Variants in COP1 observed in about 807,000 individuals in gnomAD.
The protein encoded by COP1 is E3 ubiquitin-protein ligase COP1.
In COP1, 24 loss-of-function variants were observed where a neutral mutation model predicts 101.3. The ratio of observed to expected loss-of-function variants is 0.24; its 90% CI spans 0.17 to 0.33. The LOEUF is 0.33. Ranked by LOEUF, COP1 falls within the 10% of genes least tolerant of loss-of-function variation. The probability of loss-of-function intolerance (pLI) is 1.00; values close to 1 mark genes in which losing one functional copy is unlikely to be tolerated. For synonymous variants in COP1, 347 were observed against 341.9 expected (o/e 1.01, Z -0.17); for missense variants, 663 against 906.2 (o/e 0.73, Z 3.45).
At chr1:176,105,353 G>A (rs193129983) in intron 9 of COP1, among the ~76,000 whole-genome samples, 3 of 152,156 alleles carry the variant, frequency 2.0e-5, no homozygotes, top group East Asian at 3.9e-4. Flanking sequence ...ATATCACAAC[G>A]AAAATTGAAG....
chr1:176,020,270 C>A (rs574087175), intron 15 of COP1, among the ~76,000 whole-genome samples: 1 of 146,438 alleles, frequency 6.8e-6, no homozygotes, highest in Admixed American at 6.9e-5. Flanking sequence ...AAGATCACGC[C>A]ATTGCCCTCC....
chr1:176,116,748 T>A (rs368161507), intron 8 of COP1, 67 bp from the exon 9 acceptor site: 154 of 1,165,510 alleles, frequency 1.3e-4, no homozygotes, highest in Non-Finnish European at 1.9e-4. Context: ...AAAAAGTAAA[T>A]CTAAAGTATA....
At chr1:175,972,478 T>C (rs957193710) in intron 18 of COP1, among the ~76,000 whole-genome samples, 2 of 150,562 alleles carry the variant, frequency 1.3e-5, no homozygotes, top group Non-Finnish European at 1.5e-5. Flanking sequence ...TTTTTTTTTT[T>C]TTTTTGAGAC....
intron 15 of COP1, among the ~76,000 whole-genome samples, chr1:175,992,128 T>C (rs1658669827): frequency 6.6e-6 from 1 of 152,236 alleles, no homozygotes; most frequent in Non-Finnish European, 1.5e-5. Context: ...ATGTGGAATA[T>C]GAGATGTTTT....
At chr1:176,033,881 A>T (rs1244889263) in intron 14 of COP1, among the ~76,000 whole-genome samples, 1 of 152,238 alleles carries the variant, frequency 6.6e-6, no homozygotes, top group East Asian at 1.9e-4. Flanking sequence ...TGTATAAAAT[A>T]AGTGATTTAA....
intron 5 of COP1, among the ~76,000 whole-genome samples, chr1:176,157,106 G>A (rs975565333): frequency 7.9e-5 from 12 of 152,056 alleles, no homozygotes; most frequent in Non-Finnish European, 1.5e-4. Flanking sequence ...GCTGAGGCAG[G>A]AGAATCTCTT....
intron 1 of COP1, among the ~76,000 whole-genome samples, chr1:176,193,748 A>G (rs775817889): frequency 6.6e-6 from 1 of 152,180 alleles, no homozygotes; most frequent in East Asian, 1.9e-4. Context: ...AGTGTCTGGA[A>G]TAGGTAAATT....
At chr1:176,164,895 T>C (rs1694863310) in intron 3 of COP1, among the ~76,000 whole-genome samples, 2 of 152,116 alleles carry the variant, frequency 1.3e-5, no homozygotes. Flanking sequence ...TTATAGACAA[T>C]ATCTTACAGA....
rs75721919 is a variant in COP1 at position 176,125,993 on chromosome 1, T to C, written c.968+9017A>G. On this transcript the variant is annotated intron_variant, in intron 8 of 19. Coordinates refer to ENST00000367669, the MANE Select transcript of COP1 (RefSeq NM_022457.7). The stretch of plus-strand genomic sequence containing the variant: ...TTATTTGTGGCTTTATAAATAAGAA[T>C]ATATTTTTATTCTTTTTCACATCGT... 3.0e-3 allele frequency among the ~76,000 whole-genome samples: 454 copies of C among 152,330 alleles called. 4 individuals carry two copies. The highest frequency in any genetic ancestry group is 0.01 in the African/African-American group (433 of 41,592).
At chr1:176,033,411 G>C (rs1279933308) in intron 14 of COP1, among the ~76,000 whole-genome samples, 2 of 151,954 alleles carry the variant, frequency 1.3e-5, no homozygotes, top group African/African-American at 4.8e-5. Flanking sequence ...TGGGCAACAA[G>C]AGCAAAACTC....
At chr1:176,061,036 C>T (rs959728541) in intron 11 of COP1, among the ~76,000 whole-genome samples, 2 of 152,134 alleles carry the variant, frequency 1.3e-5, no homozygotes, top group African/African-American at 2.4e-5. Flanking sequence ...AGACGGAGAA[C>T]TTATATTACC....
intron 5 of COP1, among the ~76,000 whole-genome samples, chr1:176,155,960 G>A (rs1693390121): frequency 6.6e-6 from 1 of 152,142 alleles, no homozygotes; most frequent in African/African-American, 2.4e-5. Context: ...TCAGCCAGAT[G>A]GATGCGAGAA....
chr1:176,105,604 A>G (rs1426009126), intron 9 of COP1, among the ~76,000 whole-genome samples: 1 of 152,236 alleles, frequency 6.6e-6, no homozygotes, highest in Non-Finnish European at 1.5e-5. Flanking sequence ...AAATGCCAGA[A>G]TGAACCCTAA....
chr1:176,032,061 A>T (rs1668734577), intron 14 of COP1, among the ~76,000 whole-genome samples: 9 of 152,204 alleles, frequency 5.9e-5, no homozygotes, highest in Admixed American at 5.9e-4. Flanking sequence ...TTCATTACCA[A>T]AGAAAGAGAA....
At chr1:176,122,577 C>A (rs1004275661) in intron 8 of COP1, among the ~76,000 whole-genome samples, 2 of 152,148 alleles carry the variant, frequency 1.3e-5, no homozygotes, top group African/African-American at 4.8e-5. Context: ...CTTCAAACAA[C>A]AGACGCTATC....
At chr1:175,958,524 TATG>T (rs1358237455) in intron 18 of COP1, among the ~76,000 whole-genome samples, 1 of 152,032 alleles carries the variant, frequency 6.6e-6, no homozygotes, top group Non-Finnish European at 1.5e-5. Context: ...TGCTATTTAC[TATG>T]ATAAGCATTT....
intron 9 of COP1, among the ~76,000 whole-genome samples, chr1:176,092,076 G>C (rs968585978): frequency 6.6e-6 from 1 of 152,068 alleles, no homozygotes; most frequent in African/African-American, 2.4e-5. Context: ...ACATTTTTCA[G>C]GCAGAAATTG....
intron 15 of COP1, among the ~76,000 whole-genome samples, chr1:175,997,656 C>G (rs1275459451): frequency 3.9e-5 from 6 of 152,176 alleles, no homozygotes; most frequent in African/African-American, 1.4e-4. Flanking sequence ...AAATGCTCAT[C>G]ATCACTGGCT....
At chr1:176,100,762 G>A (rs1056156233) in intron 9 of COP1, among the ~76,000 whole-genome samples, 3 of 152,080 alleles carry the variant, frequency 2.0e-5, no homozygotes, top group African/African-American at 7.2e-5. Flanking sequence ...CCAGTTATCT[G>A]GGGTGTCACA....
Sources: allele counts gnomAD v4.1 joint callset (sites outside exome capture counted in the v4.1 genomes callset), GRCh38; gene constraint gnomAD v4.1.1; transcripts MANE v1.5; gene names NCBI Gene and HGNC (gene_info 2026-07-23, HGNC 2026-07-21).